The following SLC16A2 variants were observed in gnomAD, a reference collection of about 807,000 sequenced individuals.
The protein encoded by SLC16A2 is solute carrier family 16 member 2, also known as monocarboxylate transporter 8.
Under a neutral mutation model 27.2 loss-of-function variants are expected in SLC16A2, and 3 were observed. The observed-to-expected ratio is 0.11, with a 90% CI of 0.05 to 0.28. The LOEUF (loss-of-function observed/expected upper bound fraction) is 0.28, where lower values mean the gene tolerates loss of function less well. SLC16A2 is among the 10% of genes least tolerant of loss of function. The pLI, the probability that SLC16A2 is intolerant of heterozygous loss-of-function variation, is 1.00. For missense variants in SLC16A2, 295 were observed against 458.5 expected (o/e 0.64, Z 3.26); for synonymous variants, 202 against 187.8 (o/e 1.08, Z -0.62).
intron 1 of SLC16A2, among the ~76,000 whole-genome samples, chrX:74,486,078 C>G (rs1442119383): frequency 1.8e-5 from 2 of 112,088 alleles, no homozygotes; most frequent in Admixed American, 9.4e-5. Context: ...TGTCCCTCCC[C>G]CTGTGCTCTC....
chrX:74,505,883 A>G (rs1930117062), intron 1 of SLC16A2, among the ~76,000 whole-genome samples: 1 of 111,987 alleles, frequency 8.9e-6, no homozygotes, highest in Non-Finnish European at 1.9e-5. Context: ...GGCCCTATTC[A>G]GTCTCAAGGG....
At chrX:74,476,066 T>G (rs1218176763) in intron 1 of SLC16A2, among the ~76,000 whole-genome samples, 1 of 111,423 alleles carries the variant, frequency 9.0e-6, no homozygotes, top group African/African-American at 3.3e-5. Context: ...ATAAATTACC[T>G]TGGGCAGTAT....
At chrX:74,494,212 G>A (rs1468173906) in intron 1 of SLC16A2, among the ~76,000 whole-genome samples, 1 of 112,117 alleles carries the variant, frequency 8.9e-6, no homozygotes, top group Non-Finnish European at 1.9e-5. Flanking sequence ...GTCTTCCAAA[G>A]GACAGATATG....
chrX:74,463,772 C>T (rs1332483643), intron 1 of SLC16A2, among the ~76,000 whole-genome samples: 1 of 110,365 alleles, frequency 9.1e-6, no homozygotes, highest in Non-Finnish European at 1.9e-5. Context: ...CGTGATCCAC[C>T]CGCCTCTGTG....
intron 1 of SLC16A2, among the ~76,000 whole-genome samples, chrX:74,512,549 CA>C (rs1339345414): frequency 8.9e-6 from 1 of 112,083 alleles, no homozygotes; most frequent in East Asian, 2.8e-4. Flanking sequence ...GTTAGTTCCC[CA>C]CAATAAAAGG....
Position 74,525,854 on chromosome X carries a change from C to T in SLC16A2, c.1131C>T (p.Ile377=). The T allele has an allele frequency of 8.3e-7, 1 of 1,211,595 alleles. No individual in the cohort carries two copies. The highest frequency in any genetic ancestry group is 1.1e-6 in the Non-Finnish European group (1 of 895,426). Residue 377 remains isoleucine (I), a synonymous_variant, in exon 4 of 6, where the codon ATC becomes ATT. Coordinates refer to ENST00000587091, the MANE Select transcript of SLC16A2 (RefSeq NM_006517.5). ...TTGGGCGTCTTGTGTCAGGCCACAT[C>T]AGTGACTCCATCCCTGGACTTAAGA... ...SGLGRLVSGH[I]SDSIPGLKKI...
chrX:74,519,715 C>CAAA (rs779967639), intron 1 of SLC16A2, among the ~76,000 whole-genome samples: 45 of 24,951 alleles, frequency 1.8e-3, no homozygotes, highest in African/African-American at 3.9e-3. Context: ...GACTGTGTCT[C>CAAA]AAAAAAAAAA....
At chrX:74,485,109 G>A (rs942173241) in intron 1 of SLC16A2, among the ~76,000 whole-genome samples, 1 of 108,936 alleles carries the variant, frequency 9.2e-6, no homozygotes, top group Non-Finnish European at 1.9e-5. Context: ...CCAGCTACTC[G>A]GGGGGCTTAG....
At chrX:74,425,316 T>C (rs1928385030) in intron 1 of SLC16A2, among the ~76,000 whole-genome samples, 1 of 111,732 alleles carries the variant, frequency 8.9e-6, no homozygotes, top group South Asian at 3.7e-4. Flanking sequence ...CTGTATATCT[T>C]ATCCCCTCTC....
At chrX:74,445,149 T>C (rs1032740219) in intron 1 of SLC16A2, among the ~76,000 whole-genome samples, 4 of 111,847 alleles carry the variant, frequency 3.6e-5, no homozygotes, top group Non-Finnish European at 7.5e-5. Context: ...GGCACATAAA[T>C]AATAAGTGGC....
At chrX:74,517,009 G>A (rs137973749) in intron 1 of SLC16A2, among the ~76,000 whole-genome samples, 21 of 112,024 alleles carry the variant, frequency 1.9e-4, no homozygotes, top group Admixed American at 6.6e-4. Context: ...GTTATGGGTC[G>A]TGGGGGAGTG....
At chrX:74,524,272 G>A (rs1323622323) in intron 2 of SLC16A2, 87 bp from the exon 3 acceptor site, 1 of 982,867 alleles carries the variant, frequency 1.0e-6, no homozygotes, top group Admixed American at 2.3e-5. Flanking sequence ...AAGGGCGGAG[G>A]AATGGAAGTC....
At chrX:74,453,671 G>C (rs976083845) in intron 1 of SLC16A2, among the ~76,000 whole-genome samples, 16 of 110,632 alleles carry the variant, frequency 1.4e-4, no homozygotes, top group Non-Finnish European at 3.0e-4. Flanking sequence ...ATTAGCATGG[G>C]AGTTTTGACC....
chrX:74,529,087 T>C (rs1930527194), intron 4 of SLC16A2, 126 bp from the exon 5 acceptor site: 2 of 496,944 alleles, frequency 4.0e-6, no homozygotes. Flanking sequence ...CTCTCTCTGT[T>C]GACACCTTCC....
intron 4 of SLC16A2, among the ~76,000 whole-genome samples, chrX:74,528,486 C>A (rs1055022116): frequency 1.8e-5 from 2 of 111,332 alleles, no homozygotes; most frequent in Non-Finnish European, 3.8e-5. Context: ...GGGTTGGCTT[C>A]ATTCTCCCTA....
At chrX:74,427,811 GCACACA>G (rs35510872) in intron 1 of SLC16A2, among the ~76,000 whole-genome samples, 319 of 101,691 alleles carry the variant, frequency 3.1e-3, no homozygotes, top group Admixed American at 6.4e-3. Context: ...GCACGCGCGC[GCACACA>G]CACACACACA....
chrX:74,429,980 C>T (rs922934229), intron 1 of SLC16A2, among the ~76,000 whole-genome samples: 1 of 112,259 alleles, frequency 8.9e-6, no homozygotes, highest in African/African-American at 3.2e-5. Context: ...ATGATGGCTG[C>T]TCTGCTGCAT....
At chrX:74,428,317 G>A (rs750777208) in intron 1 of SLC16A2, among the ~76,000 whole-genome samples, 2 of 111,081 alleles carry the variant, frequency 1.8e-5, no homozygotes, top group South Asian at 7.7e-4. Context: ...AGGAAGTGCA[G>A]CCTCTTCACC....
intron 1 of SLC16A2, among the ~76,000 whole-genome samples, chrX:74,435,929 A>T (rs970662053): frequency 2.7e-5 from 3 of 110,583 alleles, no homozygotes; most frequent in African/African-American, 9.9e-5. Context: ...TTATGCATTG[A>T]GAAAGTTGAA....
Sources: allele counts gnomAD v4.1 joint callset (sites outside exome capture counted in the v4.1 genomes callset), GRCh38; gene constraint gnomAD v4.1.1; transcripts MANE v1.5; gene names NCBI Gene and HGNC (gene_info 2026-07-23, HGNC 2026-07-21).